The following L3HYPDH variants were observed in gnomAD, a reference collection of about 807,000 sequenced individuals.
The protein encoded by L3HYPDH is trans-3-hydroxy-L-proline dehydratase.
Under a neutral mutation model 26.5 loss-of-function variants are expected in L3HYPDH, and 32 were observed. That is an observed-to-expected ratio of 1.21 (90% CI 0.91 to 1.62). The LOEUF (loss-of-function observed/expected upper bound fraction) is 1.62, where lower values mean the gene tolerates loss of function less well. L3HYPDH is among the 40% of genes most tolerant of loss of function. The probability of loss-of-function intolerance (pLI) is 0.00; values close to 1 mark genes in which losing one functional copy is unlikely to be tolerated. For synonymous variants in L3HYPDH, 215 were observed against 196.6 expected, an observed-to-expected ratio of 1.09 and a Z score of -0.78; for missense variants, 554 against 476.4, an observed-to-expected ratio of 1.16 and a Z score of -1.52.
rs752612492 is a variant in L3HYPDH, at chr14:59,484,189, G to T, written c.128C>A (p.Ser43Tyr). The T allele has an allele frequency of 1.3e-6, 2 of 1,599,012 alleles. No homozygotes were observed. The highest frequency in any genetic ancestry group is 1.3e-5 in the African/African-American group (1 of 75,050). ...CCGCTTGGCCAGCAGGGTGGGCCCA[G>T]ACACCTCCGGACACCCCGCCAGCAC... Reference protein sequence around the residue: ...RIVLAGCPEVSGPTLLAKRRY... With the variant: ...RIVLAGCPEVYGPTLLAKRRY... Residue 43 changes from serine (S) to tyrosine (Y), a missense_variant, in exon 1 of 5, where the codon TCT becomes TAT. By Grantham distance (144) the Ser-to-Tyr change is moderately radical. Coordinates refer to ENST00000247194, the MANE Select transcript of L3HYPDH (RefSeq NM_144581.2).
Position 59,484,063 on chromosome 14 carries a change from A to G in L3HYPDH, c.254T>C (p.Leu85Pro). Residue 85 changes from leucine (L) to proline (P), a missense_variant, in exon 1 of 5, where the codon CTG becomes CCG. Transcript: ENST00000247194. Reference protein sequence around the residue: ...MYGAVLVPSELPDAHLGVLFL... With the variant: ...MYGAVLVPSEPPDAHLGVLFL... ...CAGGACGCCCAGATGCGCGTCCGGC[A>G]GCTCGCTCGGGACTAGGACCGCCCC... is the stretch of plus-strand genomic sequence containing the variant. The G allele has an allele frequency of 6.2e-7, 1 of 1,607,154 alleles. No homozygotes were observed. Among genetic ancestry groups the G allele is most frequent in the Non-Finnish European group, 8.5e-7 (1 of 1,179,600 alleles).
chr14:59,502,773 TCGGAGTCTCAC>T, the L3HYPDH span, among the ~76,000 whole-genome samples: 1 of 102,836 alleles, frequency 9.7e-6, no homozygotes, highest in Non-Finnish European at 1.8e-5. Context: ...TTTTTTTTTT[TCGGAGTCTCAC>T]TCTGTCGCTT....
At chr14:59,498,418 G>GT in the L3HYPDH span, among the ~76,000 whole-genome samples, 1 of 152,106 alleles carries the variant, frequency 6.6e-6, no homozygotes, top group Non-Finnish European at 1.5e-5. Flanking sequence ...TGTACAGTAG[G>GT]TTTTTTTATG....
chr14:59,469,776 G>A (rs1043214107), downstream of L3HYPDH, among the ~76,000 whole-genome samples: 1 of 152,052 alleles, frequency 6.6e-6, no homozygotes, highest in African/African-American at 2.4e-5. Flanking sequence ...ACAGTCTAGG[G>A]GGAAAATGAT....
chr14:59,466,049 G>A (rs1403677681), intron 1 of L3HYPDH, among the ~76,000 whole-genome samples: 1 of 152,178 alleles, frequency 6.6e-6, no homozygotes, highest in Non-Finnish European at 1.5e-5. Context: ...ATGGGCCCAT[G>A]ACTCTAAACC....
At chr14:59,484,790 G>T, upstream of L3HYPDH, 1 of 897,564 alleles carries the variant, frequency 1.1e-6, no homozygotes, top group South Asian at 1.8e-5. Flanking sequence ...GCTACTAGGG[G>T]AGGCGCGCTG....
In L3HYPDH at chr14:59,483,989, C is replaced by T; in HGVS notation, c.328G>A (p.Ala110Thr). Reference protein sequence around the residue: ...YSSMCGHAVLALGRFALDFGL... With the variant: ...YSSMCGHAVLTLGRFALDFGL... ...AAGTCCAAAGCGAAGCGGCCCAGCG[C>T]CAGCACTGCGTGGCCGCACATGGAG... The change falls in exon 1 of 5, where the codon GCG (alanine) becomes ACG (threonine). Residue 110 changes from alanine (A) to threonine (T), a missense_variant. Transcript: ENST00000247194. The T allele has an allele frequency of 6.3e-7, 1 of 1,589,132 alleles. No homozygotes were observed. Among genetic ancestry groups the T allele is most frequent in the South Asian group, 1.1e-5 (1 of 89,028 alleles).
chr14:59,503,808 C>A, the L3HYPDH span: 3 of 1,188,020 alleles, frequency 2.5e-6, no homozygotes, highest in Non-Finnish European at 3.7e-6. Flanking sequence ...CTGACTTAGC[C>A]TGATAATCTG....
chr14:59,491,382 A>G, the L3HYPDH span, among the ~76,000 whole-genome samples: 2 of 152,210 alleles, frequency 1.3e-5, no homozygotes, highest in South Asian at 2.1e-4. Flanking sequence ...TCATTTTGTA[A>G]AGATTATGTG....
chr14:59,469,008 A>G (rs943977423), downstream of L3HYPDH, among the ~76,000 whole-genome samples: 14 of 152,172 alleles, frequency 9.2e-5, no homozygotes, highest in Admixed American at 9.2e-4. Flanking sequence ...CCATTTACAA[A>G]AGGACAGTCT....
chr14:59,476,057 C>T (rs1389854900), intron 3 of L3HYPDH, 35 bp downstream of exon 3: 1 of 1,613,516 alleles, frequency 6.2e-7, no homozygotes, highest in African/African-American at 1.3e-5. Flanking sequence ...TCCATATTAC[C>T]TGGCTTTTGT....
At chr14:59,501,058 C>A in the L3HYPDH span, 1 of 609,244 alleles carries the variant, frequency 1.6e-6, no homozygotes, top group Non-Finnish European at 2.8e-6. Flanking sequence ...GCCTCAGAAC[C>A]TTAGGTTGTA....
chr14:59,488,807 A>G (rs1229596692), upstream of L3HYPDH, among the ~76,000 whole-genome samples: 2 of 152,218 alleles, frequency 1.3e-5, no homozygotes, highest in Non-Finnish European at 2.9e-5. Context: ...TCTGACTGCA[A>G]CTTGTTACCT....
intron 4 of L3HYPDH, chr14:59,474,396 G>A (rs1889482045): frequency 3.2e-6 from 2 of 628,744 alleles, no homozygotes; most frequent in Non-Finnish European, 5.7e-6. Flanking sequence ...CTTCCCAGGA[G>A]TGCCTTATAT....
At chr14:59,501,277 C>CT in the L3HYPDH span, 7 of 1,541,376 alleles carry the variant, frequency 4.5e-6, no homozygotes, top group Admixed American at 1.7e-5. Flanking sequence ...GGTAGGAAGT[C>CT]TTTTTTTCCT....
the L3HYPDH span, among the ~76,000 whole-genome samples, chr14:59,503,547 CTT>C: frequency 0.014 from 2,108 of 152,170 alleles, 31 homozygotes; most frequent in African/African-American, 0.041. Flanking sequence ...TAGTTCGTAT[CTT>C]TGAGAAGAAA....
At chr14:59,484,761 G>A (rs942966296), upstream of L3HYPDH, 4 of 993,666 alleles carry the variant, frequency 4.0e-6, no homozygotes, top group Admixed American at 2.6e-5. Context: ...GCGGGGTTGG[G>A]GTGGTCTGTC....
At chr14:59,487,034 C>T (rs1890634793), upstream of L3HYPDH, among the ~76,000 whole-genome samples, 1 of 152,106 alleles carries the variant, frequency 6.6e-6, no homozygotes, top group South Asian at 2.1e-4. Flanking sequence ...AACCCCATCT[C>T]TGCTAAAAAT....
At chr14:59,498,070 G>A in the L3HYPDH span, among the ~76,000 whole-genome samples, 6 of 151,968 alleles carry the variant, frequency 3.9e-5, no homozygotes, top group Non-Finnish European at 8.8e-5. Flanking sequence ...CATTAAAAAT[G>A]GGACATTCAA....
Sources: gnomAD v4.1 joint callset for allele counts (sites outside exome capture counted in the v4.1 genomes callset) on GRCh38, gnomAD v4.1.1 for gene constraint, MANE v1.5 for transcripts, NCBI Gene and HGNC (gene_info 2026-07-23, HGNC 2026-07-21) for gene names.